Variants in MAP7 observed in about 807,000 individuals in gnomAD.
MAP7 encodes the protein ensconsin.
In MAP7, 52 loss-of-function variants were observed where a neutral mutation model predicts 94.8. That is an observed-to-expected ratio of 0.55 (90% CI 0.44 to 0.69). The LOEUF (loss-of-function observed/expected upper bound fraction) is 0.69, where lower values mean the gene tolerates loss of function less well. Ranked by LOEUF, MAP7 falls within the 30% of genes least tolerant of loss-of-function variation. The pLI is 0.00. For synonymous variants in MAP7, 350 were observed against 357.0 expected, an observed-to-expected ratio of 0.98 and a Z score of 0.22; for missense variants, 940 against 964.6, an observed-to-expected ratio of 0.97 and a Z score of 0.34.
chr6:136,347,469 A>G (rs1185223770), intron 16 of MAP7, among the ~76,000 whole-genome samples: 1 of 152,120 alleles, frequency 6.6e-6, no homozygotes, highest in African/African-American at 2.4e-5. Context: ...GCAGTGGTAC[A>G]GTCTCAGCTC....
rs1199901413 is a variant in MAP7, at chr6:136,377,780, G to A, written c.726C>T (p.Ser242=). The A allele has an allele frequency of 1.2e-6, 2 of 1,613,932 alleles. No homozygotes were observed. The highest frequency in any genetic ancestry group is 1.7e-6 in the Non-Finnish European group (2 of 1,179,918). The change falls in exon 7 of 18, where the codon AGC becomes AGT. Residue 242 remains serine, a synonymous_variant. Coordinates refer to ENST00000354570, the MANE Select transcript of MAP7 (RefSeq NM_003980.6). The part of the protein sequence containing the change: ...PTHSFLARSK[S]TAALSGEAAS... ...CTGCTTCTCCAGACAAGGCAGCTGTGCTTTTACTTCTGGCCAGGAACGAAT... is the reference window on the plus strand; with the variant it reads ...CTGCTTCTCCAGACAAGGCAGCTGTACTTTTACTTCTGGCCAGGAACGAAT...
At chr6:136,485,798 G>A (rs1235189987) in intron 1 of MAP7, among the ~76,000 whole-genome samples, 1 of 151,892 alleles carries the variant, frequency 6.6e-6, no homozygotes, top group Admixed American at 6.6e-5. Context: ...TCCTGACCTC[G>A]TGATCCGCCC....
chr6:136,526,052 T>A, intron 1 of MAP7: 1 of 1,444,942 alleles, frequency 6.9e-7, no homozygotes, highest in South Asian at 1.5e-5. Flanking sequence ...AAGCTGCTAG[T>A]TCCTAAGCTG....
At chr6:136,542,001 G>A (rs1028092059) in intron 1 of MAP7, among the ~76,000 whole-genome samples, 6 of 152,136 alleles carry the variant, frequency 3.9e-5, no homozygotes, top group African/African-American at 7.2e-5. Flanking sequence ...AGAGGTTACC[G>A]TGAGCCAAGT....
intron 1 of MAP7, among the ~76,000 whole-genome samples, chr6:136,454,832 G>A (rs1272528222): frequency 1.3e-5 from 2 of 151,950 alleles, no homozygotes; most frequent in Non-Finnish European, 2.9e-5. Context: ...TCAGGAGTTC[G>A]GGACTACAGA....
rs780715613 is a variant in MAP7 at position 136,359,889 on chromosome 6, A to G, written c.1855-12T>C. 1.7e-5 allele frequency: 28 copies of G among 1,612,702 alleles called. No individual in the cohort carries two copies. In the African/African-American group the frequency reaches 2.1e-4, roughly 12 times the overall value. On this transcript the variant is annotated splice_polypyrimidine_tract_variant and intron_variant, in intron 14 of 17. Transcript: ENST00000354570. ...TGATCACTGGTTTTCTACGAAGAAG[A>G]AAAAAAGAGGACTTTTAAAAATTAG...
In MAP7 at chr6:136,473,752, C is replaced by T. The variant is rs556592566; in HGVS notation, c.68-51953G>A. Among the ~76,000 whole-genome samples the T allele has an allele frequency of 9.9e-5, 15 of 152,166 alleles. No individual in the cohort carries two copies. The South Asian group carries it at 1.0e-3, about 11-fold the overall frequency. ...AGAGGAATTGCTAAATCTTTGGTTA[C>T]GAACATTTAAAAAGAATAGTGATAT... On this transcript the variant is annotated intron_variant, in intron 1 of 17. Transcript: ENST00000354570.
At chr6:136,356,628 TC>T in intron 16 of MAP7, 63 bp downstream of exon 16, 1 of 1,308,376 alleles carries the variant, frequency 7.6e-7, no homozygotes, top group Non-Finnish European at 1.1e-6. Flanking sequence ...ACTTTGAAAT[TC>T]TGGTGGAGCT....
chr6:136,448,043 T>C (rs1038545555), intron 1 of MAP7, among the ~76,000 whole-genome samples: 4 of 151,848 alleles, frequency 2.6e-5, no homozygotes, highest in African/African-American at 9.7e-5. Flanking sequence ...TACAAAAAAA[T>C]TAGCTGGGCG....
chr6:136,513,771 C>T (rs550196001), intron 1 of MAP7, among the ~76,000 whole-genome samples: 1 of 152,286 alleles, frequency 6.6e-6, no homozygotes, highest in South Asian at 2.1e-4. Context: ...GAGCCCCAGA[C>T]GCATCCTGTG....
chr6:136,500,749 C>A (rs1284645810), intron 1 of MAP7, among the ~76,000 whole-genome samples: 1 of 152,012 alleles, frequency 6.6e-6, no homozygotes, highest in East Asian at 1.9e-4. Context: ...ATGAGTAATC[C>A]CATATTCCAG....
At chr6:136,456,812 A>G (rs1268643258) in intron 1 of MAP7, among the ~76,000 whole-genome samples, 1 of 95,356 alleles carries the variant, frequency 1.0e-5, no homozygotes. Context: ...AAGAAGAAGA[A>G]GAAGAAGAAG....
intron 3 of MAP7, among the ~76,000 whole-genome samples, chr6:136,405,767 C>T (rs934426542): frequency 5.9e-5 from 9 of 152,084 alleles, no homozygotes; most frequent in African/African-American, 2.2e-4. Flanking sequence ...CTGTCTTGGG[C>T]CAAGGTGGCA....
Position 136,550,343 on chromosome 6 carries a change from T to C in MAP7, c.66A>G (p.Thr22=), listed in dbSNP as rs775274060. Reference sequence around the variant, plus strand: ...CCACTATCCCCGCTGTGCGGTCACCTGTTTCGCTTCGCACTGCGCCGTCGC... The same window carrying C: ...CCACTATCCCCGCTGTGCGGTCACCCGTTTCGCTTCGCACTGCGCCGTCGC... The part of the protein sequence containing the change: ...RGGDGAVRSE[T]APDSYKVQDK... The change falls in exon 1 of 18, where the codon ACA becomes ACG. Residue 22 remains threonine, a splice_region_variant and synonymous_variant. Transcript: ENST00000354570. This position sits in a 1 kb window ranked among gnomAD's most constrained non-coding sequence, Gnocchi z 5.1. 2 of 1,520,950 alleles carry C rather than the reference T, an allele frequency of 1.3e-6. No homozygotes were observed. Among genetic ancestry groups the C allele is most frequent in the African/African-American group, 1.4e-5 (1 of 69,886 alleles). 94.2% of individuals were successfully genotyped at this position (1,520,950 alleles called of 1,614,324 possible).
At chr6:136,475,285 T>C (rs2128948864) in intron 1 of MAP7, among the ~76,000 whole-genome samples, 1 of 152,346 alleles carries the variant, frequency 6.6e-6, no homozygotes, top group African/African-American at 2.4e-5. Flanking sequence ...AGGTGAGTTA[T>C]TATCTAAATG....
chr6:136,523,462 C>T (rs1826980478), intron 1 of MAP7, among the ~76,000 whole-genome samples: 1 of 152,204 alleles, frequency 6.6e-6, no homozygotes, highest in African/African-American at 2.4e-5. Flanking sequence ...TTGTATTGGA[C>T]AGTGCATATA....
At chr6:136,388,583 T>G in intron 4 of MAP7, 73 bp from the exon 5 acceptor site, 1 of 1,174,214 alleles carries the variant, frequency 8.5e-7, no homozygotes, top group South Asian at 1.2e-5. Flanking sequence ...TAAGGCAGAA[T>G]GGAGTGAGGA....
At chr6:136,524,247 A>AAAAAG (rs1023637694) in intron 1 of MAP7, among the ~76,000 whole-genome samples, 2 of 152,140 alleles carry the variant, frequency 1.3e-5, no homozygotes, top group African/African-American at 4.8e-5. Context: ...CCATCTCAAA[A>AAAAAG]AAAAGAAAAG....
chr6:136,471,236 G>A (rs1310100464), intron 1 of MAP7, among the ~76,000 whole-genome samples: 1 of 152,172 alleles, frequency 6.6e-6, no homozygotes, highest in East Asian at 1.9e-4. Context: ...TTTGATGCAA[G>A]CTGGTTTTGA....
Sources: gnomAD v4.1 joint callset for allele counts (sites outside exome capture counted in the v4.1 genomes callset) on GRCh38, gnomAD v4.1.1 for gene constraint, Gnocchi (gnomAD v3.1) non-coding constraint, MANE v1.5 for transcripts, NCBI Gene and HGNC (gene_info 2026-07-23, HGNC 2026-07-21) for gene names.